The following GABRA1 variants were observed in gnomAD, a reference collection of about 807,000 sequenced individuals.
GABRA1 encodes the protein gamma-aminobutyric acid type A receptor subunit alpha1.
Under a neutral mutation model 48.9 loss-of-function variants are expected in GABRA1, and 9 were observed. That is an observed-to-expected ratio of 0.18 (90% CI 0.11 to 0.32). GABRA1 has a LOEUF of 0.32. GABRA1 is among the 10% of genes least tolerant of loss of function. The pLI, the probability that GABRA1 is intolerant of heterozygous loss-of-function variation, is 1.00. For missense variants in GABRA1, 285 were observed against 553.8 expected, an observed-to-expected ratio of 0.51 and a Z score of 4.87; for synonymous variants, 210 against 198.7, an observed-to-expected ratio of 1.06 and a Z score of -0.48.
intron 6 of GABRA1, chr5:161,881,601 G>T (rs575386190): frequency 1.3e-5 from 2 of 152,252 alleles, no homozygotes; most frequent in South Asian, 2.1e-4. Flanking sequence ...TGGACATGCA[G>T]CAAAATTTCC....
chr5:161,869,761 T>C (rs1754027785), intron 4 of GABRA1, among the ~76,000 whole-genome samples: 1 of 152,168 alleles, frequency 6.6e-6, no homozygotes, highest in Non-Finnish European at 1.5e-5. Context: ...GAGCAACTCA[T>C]ACTTTTCACT....
rs181280802 is a variant in GABRA1, at chr5:161,893,098, G to T, written c.856+2048G>T. ...GTTTTATTTTATTTTTGTAGTATGA[G>T]TACAACACTATATTGGAAAAGGTTC... On this transcript the variant is annotated intron_variant, in intron 8 of 9. Transcript: ENST00000393943. Among the ~76,000 whole-genome samples the T allele has an allele frequency of 3.9e-3, 585 of 150,678 alleles. 13 individuals are homozygous for T. Among genetic ancestry groups the T allele is most frequent in the Admixed American group, 0.026 (392 of 15,078 alleles).
At chr5:161,883,429 C>T (rs962626388) in intron 7 of GABRA1, among the ~76,000 whole-genome samples, 8 of 151,968 alleles carry the variant, frequency 5.3e-5, no homozygotes, top group African/African-American at 1.2e-4. Context: ...AAAGTTGTTT[C>T]GAACAATAAG....
intron 4 of GABRA1, among the ~76,000 whole-genome samples, chr5:161,870,944 C>CTGTGTGTGTG (rs1754088776): frequency 7.8e-6 from 1 of 128,152 alleles, no homozygotes; most frequent in African/African-American, 3.0e-5. Flanking sequence ...GCGAGTGTTG[C>CTGTGTGTGTG]TCTGTGTGTG....
chr5:161,864,705 C>T (rs1444174884), intron 3 of GABRA1, among the ~76,000 whole-genome samples: 1 of 151,798 alleles, frequency 6.6e-6, no homozygotes, highest in Non-Finnish European at 1.5e-5. Flanking sequence ...CTTATTAACT[C>T]TTTAAGGACT....
intron 6 of GABRA1, among the ~76,000 whole-genome samples, chr5:161,881,205 C>T (rs1754598612): frequency 6.6e-6 from 1 of 152,130 alleles, no homozygotes; most frequent in Non-Finnish European, 1.5e-5. Context: ...TATGATGCCT[C>T]CCCCTCAAAA....
chr5:161,854,977 T>C (rs970215130), intron 3 of GABRA1, among the ~76,000 whole-genome samples: 2 of 151,524 alleles, frequency 1.3e-5, no homozygotes, highest in Non-Finnish European at 3.0e-5. Context: ...CTTATTTGGT[T>C]AAACAAAGAC....
At chr5:161,895,642 G>A (rs772678293) in intron 8 of GABRA1, 24 bp from the exon 9 acceptor site, 2 of 1,590,852 alleles carry the variant, frequency 1.3e-6, no homozygotes, top group African/African-American at 1.3e-5. Flanking sequence ...CTGGCATCAT[G>A]TATGTTTTTT....
intron 4 of GABRA1, among the ~76,000 whole-genome samples, chr5:161,868,544 A>G (rs1312169163): frequency 1.3e-5 from 2 of 152,160 alleles, no homozygotes; most frequent in African/African-American, 2.4e-5. Context: ...AAACATCAAG[A>G]GAGGGCATGC....
At position 161,893,313 on chromosome 5, in the gene GABRA1, T is replaced by G. The variant is rs888565860; in HGVS notation, c.856+2263T>G. 4.6e-5 allele frequency among the ~76,000 whole-genome samples: 7 copies of G among 152,070 alleles called. No homozygotes were observed. In the South Asian group the frequency reaches 6.2e-4, roughly 13 times the overall value. On this transcript the variant is annotated intron_variant, in intron 8 of 9. Coordinates refer to ENST00000393943, the MANE Select transcript of GABRA1 (RefSeq NM_001127644.2). ...TGTCTGTAAACTTAGTTGTGACAAG[T>G]ATTTTTGTGTTTCAAGTTTTATGTT...
At chr5:161,886,708 T>C (rs778495877) in intron 7 of GABRA1, among the ~76,000 whole-genome samples, 6 of 150,530 alleles carry the variant, frequency 4.0e-5, no homozygotes, top group Admixed American at 1.3e-4. Context: ...CCCAGGGAGG[T>C]AGAAGCTTCA....
At chr5:161,896,408 C>T (rs1206453621) in intron 9 of GABRA1, among the ~76,000 whole-genome samples, 4 of 152,084 alleles carry the variant, frequency 2.6e-5, no homozygotes, top group Non-Finnish European at 5.9e-5. Flanking sequence ...TCATAACACA[C>T]AGAAATTACC....
chr5:161,862,803 A>T (rs540308522), intron 3 of GABRA1, among the ~76,000 whole-genome samples: 1 of 151,990 alleles, frequency 6.6e-6, no homozygotes, highest in African/African-American at 2.4e-5. Flanking sequence ...TGTTATTTGA[A>T]CATCACTCCA....
chr5:161,897,063 G>C (rs747146337), intron 9 of GABRA1, 48 bp from the exon 10 acceptor site: 1 of 1,573,176 alleles, frequency 6.4e-7, no homozygotes, highest in South Asian at 1.1e-5. Flanking sequence ...TTATAATTTT[G>C]CTTCTCACTG....
chr5:161,870,568 G>GAA (rs748877866), intron 4 of GABRA1, among the ~76,000 whole-genome samples: 3 of 60,368 alleles, frequency 5.0e-5, no homozygotes, highest in Non-Finnish European at 1.0e-4. Flanking sequence ...AACTCCTTCA[G>GAA]AAAAAAAAAA....
upstream of GABRA1, chr5:161,848,024 T>C (rs1028081746): frequency 2.6e-5 from 4 of 152,072 alleles, no homozygotes; most frequent in African/African-American, 9.7e-5. Context: ...AGTTAAATTG[T>C]GCTGCATATA....
At chr5:161,850,915 A>C (rs748063456) in intron 2 of GABRA1, 31 bp downstream of exon 2, 5 of 1,559,442 alleles carry the variant, frequency 3.2e-6, no homozygotes, top group Non-Finnish European at 4.4e-6. Context: ...ATCTGCATGA[A>C]AATTTCTGTA....
chr5:161,892,965 C>T (rs1285335881), intron 8 of GABRA1, among the ~76,000 whole-genome samples: 2 of 149,132 alleles, frequency 1.3e-5, no homozygotes, highest in Admixed American at 1.3e-4. Context: ...GATCGTGCCA[C>T]TGCACTCCAG....
intron 6 of GABRA1, among the ~76,000 whole-genome samples, chr5:161,879,731 T>C (rs1754529817): frequency 2.0e-5 from 3 of 152,154 alleles, no homozygotes. Flanking sequence ...ATCTGCACCT[T>C]CACAATGATG....
Sources: gnomAD v4.1 joint callset for allele counts (sites outside exome capture counted in the v4.1 genomes callset) on GRCh38, gnomAD v4.1.1 for gene constraint, MANE v1.5 for transcripts, NCBI Gene and HGNC (gene_info 2026-07-23, HGNC 2026-07-21) for gene names.